The following LHFPL3 variants were observed in gnomAD, a reference collection of about 807,000 sequenced individuals.
LHFPL3 encodes LHFPL tetraspan subfamily member 3 protein.
LHFPL3 carries 5 observed loss-of-function variants against 19.3 expected under a neutral mutation model. The observed-to-expected ratio is 0.26, with a 90% CI of 0.14 to 0.54. LHFPL3 has a LOEUF of 0.54. LHFPL3 is among the 20% of genes least tolerant of loss of function. The probability of loss-of-function intolerance (pLI) is 0.94; values close to 1 mark genes in which losing one functional copy is unlikely to be tolerated. For synonymous variants in LHFPL3, 133 were observed against 126.2 expected (o/e 1.05, Z -0.36); for missense variants, 249 against 307.4 (o/e 0.81, Z 1.42).
chr7:104,557,542 T>C lies in LHFPL3; in HGVS notation c.446-179133T>C, dbSNP rs1164702956. On this transcript the variant is annotated intron_variant, in intron 1 of 2. Transcript: ENST00000424859. ...GCATTTCTCCCACAACACATGGGAA[T>C]TGTGGGAGTTACAATTCAAGATGAG... is the stretch of plus-strand genomic sequence containing the variant. Among the ~76,000 whole-genome samples, 4 of 152,284 alleles carry C rather than the reference T, an allele frequency of 2.6e-5. No individual in the cohort carries two copies. The East Asian group carries it at 7.7e-4, about 29-fold the overall frequency.
At chr7:104,629,996 A>C (rs952207581) in intron 1 of LHFPL3, among the ~76,000 whole-genome samples, 9 of 152,198 alleles carry the variant, frequency 5.9e-5, no homozygotes, top group African/African-American at 2.2e-4. Context: ...AAAGAGCTAA[A>C]AGTTCCAGCT....
intron 1 of LHFPL3, among the ~76,000 whole-genome samples, chr7:104,463,794 G>A (rs1241198944): frequency 6.6e-6 from 1 of 152,134 alleles, no homozygotes; most frequent in African/African-American, 2.4e-5. Context: ...TGACACATGG[G>A]GATTATGGGA....
rs771136918 is a variant in LHFPL3, at chr7:104,384,787, C to CA, written c.445+55587dup. Among the ~76,000 whole-genome samples, 712 of 74,380 alleles carry CA rather than the reference C, an allele frequency of 9.6e-3. 4 individuals carry two copies. The highest frequency in any genetic ancestry group is 0.022 in the African/African-American group (406 of 18,740). 48.8% of individuals were successfully genotyped at this position (74,380 alleles called of 152,430 possible). ...AGGCAACAAGAGTGAAACTCTATTTCAAAAAAAAAAAAAAAAAAAAAAAAG... is the reference window on the plus strand; with the variant it reads ...AGGCAACAAGAGTGAAACTCTATTTCAAAAAAAAAAAAAAAAAAAAAAAAAG... On this transcript the variant is annotated intron_variant, in intron 1 of 2. Coordinates refer to ENST00000424859, the MANE Select transcript of LHFPL3 (RefSeq NM_199000.3).
intron 1 of LHFPL3, among the ~76,000 whole-genome samples, chr7:104,369,070 A>C (rs1239804939): frequency 6.6e-6 from 1 of 152,192 alleles, no homozygotes; most frequent in African/African-American, 2.4e-5. Flanking sequence ...GGTGTGATTT[A>C]TATACTCAAA....
intron 2 of LHFPL3, among the ~76,000 whole-genome samples, chr7:104,903,142 G>A (rs1160517448): frequency 6.6e-6 from 1 of 152,146 alleles, no homozygotes; most frequent in Admixed American, 6.5e-5. Context: ...CCAGCCCACT[G>A]AGAACAGGTC....
intron 1 of LHFPL3, among the ~76,000 whole-genome samples, chr7:104,557,843 C>G (rs1402836068): frequency 6.7e-6 from 1 of 149,490 alleles, no homozygotes. Flanking sequence ...CCCACCCCAC[C>G]ACAGTCCCCA....
At position 104,818,625 on chromosome 7, in the gene LHFPL3, G is replaced by A. The variant is rs116634984; in HGVS notation, c.682+81714G>A. Among the ~76,000 whole-genome samples the A allele has an allele frequency of 9.2e-3, 1,397 of 152,220 alleles. 19 individuals carry two copies. Among genetic ancestry groups the A allele is most frequent in the African/African-American group, 0.032 (1,327 of 41,526 alleles). ...TATCATTATGGACTCAAGTTTATAAGTAAAATAACCAATAACCTAAATTTC... is the reference window on the plus strand; with the variant it reads ...TATCATTATGGACTCAAGTTTATAAATAAAATAACCAATAACCTAAATTTC... On this transcript the variant is annotated intron_variant, in intron 2 of 2. Transcript: ENST00000424859.
chr7:104,834,023 G>A (rs1473648645), intron 2 of LHFPL3, among the ~76,000 whole-genome samples: 4 of 149,872 alleles, frequency 2.7e-5, no homozygotes, highest in Non-Finnish European at 5.9e-5. Flanking sequence ...CGATGTTTGA[G>A]GGCAGGAAGC....
intron 1 of LHFPL3, among the ~76,000 whole-genome samples, chr7:104,618,387 A>C (rs1408024132): frequency 6.6e-6 from 1 of 152,204 alleles, no homozygotes; most frequent in Non-Finnish European, 1.5e-5. Flanking sequence ...AATACTATTT[A>C]ACAGATGAGG....
intron 2 of LHFPL3, among the ~76,000 whole-genome samples, chr7:104,858,170 G>T (rs1584579943): frequency 6.6e-6 from 1 of 152,286 alleles, no homozygotes; most frequent in East Asian, 1.9e-4. Flanking sequence ...GGAGCCACAG[G>T]CTGTGGCTCA....
intron 1 of LHFPL3, among the ~76,000 whole-genome samples, chr7:104,703,014 T>C (rs1015899449): frequency 2.0e-5 from 3 of 152,222 alleles, no homozygotes; most frequent in Admixed American, 6.5e-5. Flanking sequence ...AATTTGAATA[T>C]CCAAAGAACA....
intron 1 of LHFPL3, among the ~76,000 whole-genome samples, chr7:104,662,261 A>G (rs1303905815): frequency 5.9e-5 from 9 of 152,210 alleles, no homozygotes; most frequent in Non-Finnish European, 1.2e-4. Flanking sequence ...GTTGAATTTT[A>G]TGGTTCAGTT....
chr7:104,850,191 A>G (rs1013500625), intron 2 of LHFPL3, among the ~76,000 whole-genome samples: 50 of 152,252 alleles, frequency 3.3e-4, no homozygotes, highest in Admixed American at 1.4e-3. Context: ...AATCCCAGCT[A>G]CTCAGGAGGC....
At chr7:104,434,331 GCAATAGATTAAT>G (rs1792059817) in intron 1 of LHFPL3, among the ~76,000 whole-genome samples, 2 of 152,226 alleles carry the variant, frequency 1.3e-5, no homozygotes, top group Non-Finnish European at 2.9e-5. Context: ...TTCCATGCCA[GCAATAGATTAAT>G]TTATGGTCAG....
chr7:104,856,451 T>C (rs913988909), intron 2 of LHFPL3, among the ~76,000 whole-genome samples: 3 of 152,104 alleles, frequency 2.0e-5, no homozygotes, highest in African/African-American at 7.2e-5. Context: ...CGTTTCACCA[T>C]GTTGGTCAGG....
Position 104,343,512 on chromosome 7 carries a change from C to CAAAAAAAA in LHFPL3, c.445+14320_445+14327dup, listed in dbSNP as rs536122769. Among the ~76,000 whole-genome samples, 40 of 47,474 alleles carry CAAAAAAAA rather than the reference C, an allele frequency of 8.4e-4. 9 individuals carry two copies. The highest frequency in any genetic ancestry group is 1.2e-3 in the Non-Finnish European group (30 of 24,040). 31.1% of individuals were successfully genotyped at this position (47,474 alleles called of 152,430 possible). A position where few individuals can be genotyped will look rare whatever the true frequency, so the allele number is the denominator to read the frequency against. On this transcript the variant is annotated intron_variant, in intron 1 of 2. Coordinates refer to ENST00000424859, the MANE Select transcript of LHFPL3 (RefSeq NM_199000.3). ...TGGGCAACAGAGTGAGACTCTGTCT[C>CAAAAAAAA]AAAAAAAAAAAAAAAAAAAAAAAAA...
chr7:104,749,578 C>T (rs1794121105), intron 2 of LHFPL3, among the ~76,000 whole-genome samples: 1 of 152,282 alleles, frequency 6.6e-6, no homozygotes, highest in Admixed American at 6.5e-5. Flanking sequence ...CTTTTGGGAT[C>T]ATGGCCGGAG....
At chr7:104,504,102 A>C (rs936305828) in intron 1 of LHFPL3, among the ~76,000 whole-genome samples, 1 of 152,142 alleles carries the variant, frequency 6.6e-6, no homozygotes, top group African/African-American at 2.4e-5. Flanking sequence ...TGTCTTCGTG[A>C]ATCTATTTTC....
chr7:104,873,519 T>C (rs368955889), intron 2 of LHFPL3, among the ~76,000 whole-genome samples: 1 of 151,686 alleles, frequency 6.6e-6, no homozygotes, highest in Non-Finnish European at 1.5e-5. Flanking sequence ...TCCTAGCTAC[T>C]TGGGAGGCTG....
Sources: gnomAD v4.1 joint callset for allele counts (sites outside exome capture counted in the v4.1 genomes callset) on GRCh38, gnomAD v4.1.1 for gene constraint, MANE v1.5 for transcripts, NCBI Gene and HGNC (gene_info 2026-07-23, HGNC 2026-07-21) for gene names.